Variants in ADGRB3 observed in about 807,000 individuals in gnomAD.
ADGRB3 encodes the protein adhesion G protein-coupled receptor B3.
In ADGRB3, 37 loss-of-function variants were observed where a neutral mutation model predicts 193.4. The ratio of observed to expected loss-of-function variants is 0.19; its 90% CI spans 0.15 to 0.25. The LOEUF (loss-of-function observed/expected upper bound fraction) is 0.25, where lower values mean the gene tolerates loss of function less well. Ranked by LOEUF, ADGRB3 falls within the 10% of genes least tolerant of loss-of-function variation. The probability of loss-of-function intolerance (pLI) is 1.00; values close to 1 mark genes in which losing one functional copy is unlikely to be tolerated. For synonymous variants in ADGRB3, 690 were observed against 644.2 expected, an observed-to-expected ratio of 1.07 and a Z score of -1.08; for missense variants, 1,637 against 1,852.9, an observed-to-expected ratio of 0.88 and a Z score of 2.14.
chr6:69,243,629 A>G (rs1278092113), intron 20 of ADGRB3, among the ~76,000 whole-genome samples: 1 of 152,074 alleles, frequency 6.6e-6, no homozygotes, highest in Non-Finnish European at 1.5e-5. Flanking sequence ...AAGGGAATCC[A>G]TTAATACATT....
chr6:69,341,799 G>A (rs1768978184), intron 26 of ADGRB3, among the ~76,000 whole-genome samples: 1 of 152,104 alleles, frequency 6.6e-6, no homozygotes, highest in African/African-American at 2.4e-5. Context: ...TTTGATTGAT[G>A]ATTAAGGATG....
chr6:69,235,640 C>T (rs1202223531), intron 19 of ADGRB3, among the ~76,000 whole-genome samples: 2 of 151,962 alleles, frequency 1.3e-5, no homozygotes, highest in Admixed American at 6.6e-5. Context: ...CCAGAAAATG[C>T]CTGTTGGTTG....
At chr6:68,973,719 C>A (rs975325140) in intron 8 of ADGRB3, among the ~76,000 whole-genome samples, 1 of 152,060 alleles carries the variant, frequency 6.6e-6, no homozygotes, top group South Asian at 2.1e-4. Context: ...GGTGAGTAGA[C>A]CCAAACAAGA....
intron 17 of ADGRB3, among the ~76,000 whole-genome samples, chr6:69,140,250 G>A (rs887611115): frequency 5.9e-5 from 9 of 152,118 alleles, no homozygotes; most frequent in African/African-American, 1.7e-4. Context: ...CAGTTCATGG[G>A]AATTGTCACT....
At chr6:69,255,340 C>A (rs904734596) in intron 20 of ADGRB3, among the ~76,000 whole-genome samples, 3 of 152,036 alleles carry the variant, frequency 2.0e-5, no homozygotes, top group African/African-American at 7.3e-5. Flanking sequence ...TAAAAGTGTT[C>A]CTATTTCTCC....
chr6:68,688,038 T>C (rs544094496), intron 3 of ADGRB3, among the ~76,000 whole-genome samples: 3 of 152,216 alleles, frequency 2.0e-5, no homozygotes, highest in African/African-American at 7.2e-5. Context: ...CTTGAGGAAA[T>C]TGAGTCAAAA....
chr6:68,734,305 G>C (rs562429614), intron 3 of ADGRB3, among the ~76,000 whole-genome samples: 100 of 152,058 alleles, frequency 6.6e-4, no homozygotes, highest in African/African-American at 2.2e-3. Context: ...CATCTCCCTT[G>C]CCTCTCCCAG....
In ADGRB3 at chr6:68,827,441, AT is replaced by A. The variant is rs899959292; in HGVS notation, c.758-103108del. ...AGGTAGGGGAGCAGCGATAAAAGAGATTTTTTTTTTCAGATGGTAAACATAA... is the reference window on the plus strand; with the variant it reads ...AGGTAGGGGAGCAGCGATAAAAGAGATTTTTTTTTCAGATGGTAAACATAA... On this transcript the variant is annotated intron_variant, in intron 3 of 31. Transcript: ENST00000370598. Among the ~76,000 whole-genome samples, 80 of 150,428 alleles carry A rather than the reference AT, an allele frequency of 5.3e-4. 1 individual carries two copies. The highest frequency in any genetic ancestry group is 1.7e-3 in the African/African-American group (69 of 41,020).
chr6:69,211,659 G>A (rs1364261076), intron 17 of ADGRB3, among the ~76,000 whole-genome samples: 1 of 151,968 alleles, frequency 6.6e-6, no homozygotes, highest in Non-Finnish European at 1.5e-5. Context: ...ATATTTATTA[G>A]TTTATATTAT....
intron 3 of ADGRB3, among the ~76,000 whole-genome samples, chr6:68,661,035 A>G (rs1768618089): frequency 6.6e-6 from 1 of 150,544 alleles, no homozygotes; most frequent in South Asian, 2.1e-4. Context: ...ATCACAGTGA[A>G]GTAGTATACT....
At chr6:69,200,076 G>T (rs1049156658) in intron 17 of ADGRB3, among the ~76,000 whole-genome samples, 4 of 151,656 alleles carry the variant, frequency 2.6e-5, no homozygotes, top group Admixed American at 2.6e-4. Flanking sequence ...TGATGTCATT[G>T]GTTTTCTGGT....
chr6:69,198,563 A>G (rs560289453), intron 17 of ADGRB3, among the ~76,000 whole-genome samples: 98 of 152,204 alleles, frequency 6.4e-4, no homozygotes, highest in Non-Finnish European at 1.1e-3. Flanking sequence ...TGGAGAGGTC[A>G]AGTCATTATG....
chr6:68,921,850 A>G (rs1270018067), intron 3 of ADGRB3, among the ~76,000 whole-genome samples: 1 of 152,086 alleles, frequency 6.6e-6, no homozygotes, highest in African/African-American at 2.4e-5. Context: ...AACTGTAAGC[A>G]TAATACAAAG....
intron 3 of ADGRB3, among the ~76,000 whole-genome samples, chr6:68,900,688 A>G (rs1003059738): frequency 3.9e-5 from 6 of 152,136 alleles, no homozygotes; most frequent in Non-Finnish European, 8.8e-5. Context: ...ACTCATTGAC[A>G]GCAATCTGGC....
chr6:68,808,750 A>C (rs1767456520), intron 3 of ADGRB3, among the ~76,000 whole-genome samples: 1 of 152,118 alleles, frequency 6.6e-6, no homozygotes, highest in Admixed American at 6.6e-5. Flanking sequence ...AGGAGGAAAA[A>C]AGGGGGAGAG....
chr6:68,896,709 T>TA (rs1217890290), intron 3 of ADGRB3, among the ~76,000 whole-genome samples: 2 of 152,112 alleles, frequency 1.3e-5, no homozygotes, highest in Non-Finnish European at 2.9e-5. Flanking sequence ...AGGTTGAACA[T>TA]AATGTTATAC....
chr6:68,993,928 G>T lies in ADGRB3; in HGVS notation c.1895G>T (p.Arg632Met). ...ILRNVTDTFK[R>M]ASYIPASDGV... ...AGAAATGTGACAGACACATTTAAAA[G>T]GGCAAGTTACATCCCTGCATCTGAT... The change falls in exon 11 of 32, where the codon AGG (arginine) becomes ATG (methionine). Residue 632 changes from arginine to methionine, a missense_variant. Arg to Met is a moderately conservative substitution (Grantham distance 91). Coordinates refer to ENST00000370598, the MANE Select transcript of ADGRB3 (RefSeq NM_001704.3). 1 of 1,613,814 alleles carries T rather than the reference G, an allele frequency of 6.2e-7. No individual in the cohort carries two copies. Among genetic ancestry groups the T allele is most frequent in the Non-Finnish European group, 8.5e-7 (1 of 1,179,798 alleles).
At chr6:69,004,269 A>G (rs1372559289) in intron 11 of ADGRB3, among the ~76,000 whole-genome samples, 7 of 152,136 alleles carry the variant, frequency 4.6e-5, no homozygotes, top group Non-Finnish European at 8.8e-5. Flanking sequence ...CGAGGTCACG[A>G]CAGGTTTGGT....
chr6:69,157,062 G>T (rs569250449), intron 17 of ADGRB3, among the ~76,000 whole-genome samples: 2 of 152,244 alleles, frequency 1.3e-5, no homozygotes, highest in African/African-American at 4.8e-5. Flanking sequence ...CAAACACCCT[G>T]ATTTTCATAC....
Sources: gnomAD v4.1 joint callset for allele counts (sites outside exome capture counted in the v4.1 genomes callset) on GRCh38, gnomAD v4.1.1 for gene constraint, MANE v1.5 for transcripts, NCBI Gene and HGNC (gene_info 2026-07-23, HGNC 2026-07-21) for gene names.